Variants in ATP11B observed in about 807,000 individuals in gnomAD.
ATP11B encodes the protein ATPase phospholipid transporting 11B (putative), also known as phospholipid-transporting ATPase IF.
ATP11B carries 81 observed loss-of-function variants against 157.8 expected under a neutral mutation model. That is an observed-to-expected ratio of 0.51 (90% confidence interval 0.43 to 0.62). The LOEUF (loss-of-function observed/expected upper bound fraction) is 0.62. Ranked by LOEUF, ATP11B falls within the 20% of genes least tolerant of loss-of-function variation. ATP11B has a pLI of 0.00. For synonymous variants in ATP11B, 451 were observed against 469.4 expected (o/e 0.96, Z 0.51); for missense variants, 1,165 against 1,402.2 (o/e 0.83, Z 2.70).
chr3:182,799,988 T>A (rs1219186440), intron 1 of ATP11B, among the ~76,000 whole-genome samples: 1 of 152,116 alleles, frequency 6.6e-6, no homozygotes, highest in Non-Finnish European at 1.5e-5. Context: ...TGCCTGCCTT[T>A]AGTCCCAGCT....
intron 17 of ATP11B, among the ~76,000 whole-genome samples, chr3:182,872,095 G>A (rs764449605): frequency 5.9e-5 from 9 of 152,194 alleles, no homozygotes; most frequent in East Asian, 1.9e-4. Flanking sequence ...GATTACAGGC[G>A]TGAGCCACCG....
chr3:182,907,731 A>C (rs9870669), intron 28 of ATP11B, among the ~76,000 whole-genome samples: 8,390 of 152,280 alleles, frequency 0.055, 783 homozygotes, highest in African/African-American at 0.19. Flanking sequence ...CAAAGCAGAT[A>C]ATCTCCTAAG....
chr3:182,883,533 C>T (rs1028095051), intron 21 of ATP11B, among the ~76,000 whole-genome samples: 3 of 151,754 alleles, frequency 2.0e-5, no homozygotes, highest in South Asian at 2.1e-4. Context: ...GCTAGGACTA[C>T]AGGCGTGAGC....
intron 23 of ATP11B, among the ~76,000 whole-genome samples, chr3:182,887,075 A>G (rs150323252): frequency 6.6e-6 from 1 of 152,342 alleles, no homozygotes; most frequent in African/African-American, 2.4e-5. Context: ...ATTAGTACCA[A>G]CAGTGGTACC....
At position 182,920,415 on chromosome 3, in the gene ATP11B, G is replaced by A. The variant is rs897124590; in HGVS notation, c.*2311G>A. On this transcript the variant is annotated 3_prime_UTR_variant, in exon 30 of 30. Coordinates refer to ENST00000323116, the MANE Select transcript of ATP11B (RefSeq NM_014616.3). ...TAACAATGCAGTCTGCAAGCTTTCA[G>A]TAGTTTTCTAGTGCTATATTCATCC... 1 of 152,304 alleles carries A rather than the reference G, an allele frequency of 6.6e-6. No individual in the cohort carries two copies. The highest frequency in any genetic ancestry group is 6.5e-5 in the Admixed American group (1 of 15,296). 9.4% of individuals were successfully genotyped at this position (152,304 alleles called of 1,614,324 possible).
intron 3 of ATP11B, among the ~76,000 whole-genome samples, chr3:182,828,919 G>C (rs892749251): frequency 5.3e-5 from 8 of 152,028 alleles, no homozygotes; most frequent in African/African-American, 1.7e-4. Context: ...TATAAACTCT[G>C]AACTCTTCTC....
intron 8 of ATP11B, chr3:182,843,949 T>G (rs1719260166): frequency 6.6e-6 from 1 of 152,234 alleles, no homozygotes; most frequent in Non-Finnish European, 1.5e-5. Flanking sequence ...GTACGATCCC[T>G]GCTGAATAAC....
intron 1 of ATP11B, among the ~76,000 whole-genome samples, chr3:182,819,572 G>A (rs1717197638): frequency 6.6e-6 from 1 of 152,124 alleles, no homozygotes; most frequent in Non-Finnish European, 1.5e-5. Context: ...GTCAGGATAT[G>A]AGTTCCCAAA....
chr3:182,806,376 G>A (rs1326360985), intron 1 of ATP11B, among the ~76,000 whole-genome samples: 1 of 152,078 alleles, frequency 6.6e-6, no homozygotes, highest in Non-Finnish European at 1.5e-5. Flanking sequence ...ATTTGCGTGT[G>A]CTTTCAATCT....
intron 8 of ATP11B, chr3:182,844,361 T>C (rs1250016628): frequency 6.3e-6 from 1 of 158,770 alleles, no homozygotes; most frequent in Non-Finnish European, 1.4e-5. Flanking sequence ...TTTGCAGGTG[T>C]CTTCATAAAT....
intron 10 of ATP11B, among the ~76,000 whole-genome samples, chr3:182,849,381 C>T (rs909649103): frequency 2.0e-5 from 3 of 151,984 alleles, no homozygotes. Context: ...GTCCAGTCTG[C>T]AATAAAAAAT....
At chr3:182,882,422 A>G (rs1386101525) in intron 21 of ATP11B, among the ~76,000 whole-genome samples, 1 of 152,152 alleles carries the variant, frequency 6.6e-6, no homozygotes, top group Non-Finnish European at 1.5e-5. Context: ...CTGGAAATTT[A>G]GAATATAACA....
rs1174305463 is a variant in ATP11B at position 182,916,573 on chromosome 3, A to G, written c.3453-1450A>G. The G allele has an allele frequency of 3.0e-6, 3 of 985,262 alleles. No homozygotes were observed. In the East Asian group the frequency reaches 3.4e-4, roughly 112 times the overall value. The allele number at this position is 985,262 out of a possible 1,614,324, so 61.0% of individuals were successfully genotyped here. On this transcript the variant is annotated intron_variant, in intron 29 of 29. Coordinates refer to ENST00000323116, the MANE Select transcript of ATP11B (RefSeq NM_014616.3). ...TAAAGAGCTGGATTTTAGCAATAAA[A>G]GATTTTCTGTTCGTGTATTACTAAC...
chr3:182,897,455 C>T lies in ATP11B; in HGVS notation c.3152+49C>T, dbSNP rs772847541. ...ATTGGATTGCTTCAACTATAATAAA[C>T]ATTTATTGTGATAGGTTACATTATG... On this transcript the variant is annotated intron_variant, in intron 27 of 29. Coordinates refer to ENST00000323116, the MANE Select transcript of ATP11B (RefSeq NM_014616.3). 4.8e-6 allele frequency: 6 copies of T among 1,245,756 alleles called. No homozygotes were observed. The African/African-American group carries it at 6.2e-5, about 13-fold the overall frequency. The allele number at this position is 1,245,756 out of a possible 1,614,324, so 77.2% of individuals were successfully genotyped here.
At chr3:182,845,010 T>TTTTTTTTTTTTA (rs1560081901) in intron 8 of ATP11B, among the ~76,000 whole-genome samples, 2 of 68,250 alleles carry the variant, frequency 2.9e-5, no homozygotes, top group African/African-American at 8.3e-5. Context: ...TTTTTTATTT[T>TTTTTTTTTTTTA]TTTTTATTTT....
At chr3:182,885,002 A>G (rs1449646245) in intron 22 of ATP11B, 104 bp downstream of exon 22, 2 of 691,502 alleles carry the variant, frequency 2.9e-6, no homozygotes, top group South Asian at 7.1e-5. Context: ...AGTTTCAATA[A>G]GTAAAAATAA....
intron 1 of ATP11B, among the ~76,000 whole-genome samples, chr3:182,809,568 C>G (rs1716529845): frequency 6.6e-6 from 1 of 152,128 alleles, no homozygotes; most frequent in Admixed American, 6.6e-5. Flanking sequence ...CACTAATAAG[C>G]AATCCTGTAC....
intron 1 of ATP11B, among the ~76,000 whole-genome samples, chr3:182,804,586 G>A (rs1279003541): frequency 2.0e-5 from 3 of 152,150 alleles, no homozygotes; most frequent in Admixed American, 1.3e-4. Context: ...CGTTACAGTT[G>A]CATAGTAGTC....
At chr3:182,855,802 A>G (rs188870315) in intron 10 of ATP11B, among the ~76,000 whole-genome samples, 1 of 152,318 alleles carries the variant, frequency 6.6e-6, no homozygotes, top group African/African-American at 2.4e-5. Context: ...GATATTCAGC[A>G]TCATTACCTG....
Sources: allele counts gnomAD v4.1 joint callset (sites outside exome capture counted in the v4.1 genomes callset), GRCh38; gene constraint gnomAD v4.1.1; transcripts MANE v1.5; gene names NCBI Gene and HGNC (gene_info 2026-07-23, HGNC 2026-07-21).